The following SYNPR variants were observed in gnomAD, a reference collection of about 807,000 sequenced individuals.
The protein encoded by SYNPR is synaptoporin.
A neutral mutation model predicts 32.9 loss-of-function variants in SYNPR; 23 were observed. The ratio of observed to expected loss-of-function variants is 0.70; its 90% confidence interval spans 0.50 to 0.99. The LOEUF is 0.99. Ranked by LOEUF, SYNPR falls within the 50% of genes least tolerant of loss-of-function variation. SYNPR has a pLI of 0.00. For missense variants in SYNPR, 318 were observed against 349.3 expected, an observed-to-expected ratio of 0.91 and a Z score of 0.71; for synonymous variants, 146 against 135.9, an observed-to-expected ratio of 1.07 and a Z score of -0.52.
intron 2 of SYNPR, among the ~76,000 whole-genome samples, chr3:63,461,788 A>G (rs1189059933): frequency 6.6e-6 from 1 of 151,964 alleles, no homozygotes; most frequent in Non-Finnish European, 1.5e-5. Context: ...CCATGCTATG[A>G]ACCTCAGTTT....
intron 2 of SYNPR, chr3:63,445,510 A>T (rs1700260059): frequency 1.4e-6 from 1 of 691,698 alleles, no homozygotes; most frequent in Non-Finnish European, 2.6e-6. Flanking sequence ...AGGGATTTTT[A>T]AAATTTCATA....
chr3:63,319,327 C>T (rs2106965515), intron 2 of SYNPR, among the ~76,000 whole-genome samples: 1 of 152,048 alleles, frequency 6.6e-6, no homozygotes, highest in African/African-American at 2.4e-5. Flanking sequence ...GTTATTATAG[C>T]TTTGTATTAT....
the SYNPR span, among the ~76,000 whole-genome samples, chr3:63,202,873 C>A: frequency 6.6e-6 from 1 of 151,886 alleles, no homozygotes; most frequent in Non-Finnish European, 1.5e-5. Context: ...AAACAGACTT[C>A]TCAGAACTTG....
intron 4 of SYNPR, among the ~76,000 whole-genome samples, chr3:63,558,113 A>G (rs927752468): frequency 4.6e-5 from 7 of 152,146 alleles, no homozygotes; most frequent in African/African-American, 1.7e-4. Context: ...CCACATACCC[A>G]GTTCCTCTTT....
chr3:63,450,074 C>T (rs935863849), intron 2 of SYNPR, among the ~76,000 whole-genome samples: 2 of 152,054 alleles, frequency 1.3e-5, no homozygotes, highest in Non-Finnish European at 1.5e-5. Flanking sequence ...AAGGGCAGCA[C>T]AGCAGTAGTT....
At chr3:63,364,699 A>G (rs986979992) in intron 2 of SYNPR, among the ~76,000 whole-genome samples, 2 of 152,176 alleles carry the variant, frequency 1.3e-5, no homozygotes, top group African/African-American at 2.4e-5. Context: ...AACTACTTGT[A>G]TTATTAAGAC....
intron 2 of SYNPR, among the ~76,000 whole-genome samples, chr3:63,329,744 T>C (rs1301751110): frequency 1.3e-5 from 2 of 152,156 alleles, no homozygotes; most frequent in Admixed American, 1.3e-4. Context: ...ATGTCAAAAC[T>C]TTCTCAAGTA....
chr3:63,265,103 T>C lies in SYNPR; in HGVS notation n.155-2214T>C, dbSNP rs562716711. The stretch of plus-strand genomic sequence containing the variant: ...AAAAACAGTTTAAAATTCTGTAGCG[T>C]GCAGGCACATTACTGGCTTTTGATT... On this transcript the variant is annotated intron_variant and non_coding_transcript_variant, in intron 2 of 4. Coordinates refer to the SYNPR transcript ENST00000478456. 2.0e-5 allele frequency among the ~76,000 whole-genome samples: 3 copies of C among 152,258 alleles called. No homozygotes were observed. In the South Asian group the frequency reaches 6.2e-4, roughly 32 times the overall value.
intron 2 of SYNPR, among the ~76,000 whole-genome samples, chr3:63,399,137 A>G (rs1233944432): frequency 2.0e-5 from 3 of 152,176 alleles, no homozygotes; most frequent in African/African-American, 7.2e-5. Flanking sequence ...AATGAAGGAG[A>G]TGCAAAATGT....
chr3:63,375,737 T>C (rs1215285311), intron 2 of SYNPR, among the ~76,000 whole-genome samples: 1 of 151,654 alleles, frequency 6.6e-6, no homozygotes, highest in East Asian at 1.9e-4. Flanking sequence ...ATAATAATAA[T>C]TAGTATAGTG....
intron 2 of SYNPR, among the ~76,000 whole-genome samples, chr3:63,338,987 G>T (rs141993639): frequency 6.6e-6 from 1 of 152,204 alleles, no homozygotes; most frequent in African/African-American, 2.4e-5. Flanking sequence ...ATGCTTTTAG[G>T]TAAGGCAGAC....
At chr3:63,222,038 T>TTTTTTTTTTTTTTTTTTTTTTTTTTA in the SYNPR span, among the ~76,000 whole-genome samples, 1 of 132,048 alleles carries the variant, frequency 7.6e-6, no homozygotes, top group Non-Finnish European at 1.6e-5. Context: ...TTTTTTTTTG[T>TTTTTTTTTTTTTTTTTTTTTTTTTTA]GAAATGCTGA....
chr3:63,564,919 T>C lies in SYNPR; in HGVS notation c.408+8178T>C, dbSNP rs889264898. 3.3e-5 allele frequency among the ~76,000 whole-genome samples: 5 copies of C among 152,302 alleles called. No homozygotes were observed. In the East Asian group the frequency reaches 9.7e-4, roughly 29 times the overall value. ...TGCTTCTTCCAGAGCCCACAGCTTT[T>C]CTTGTCCTTTGCTGGAGTCTGTGCC... On this transcript the variant is annotated intron_variant, in intron 4 of 5. Coordinates refer to ENST00000478300, the MANE Select transcript of SYNPR (RefSeq NM_001130003.2).
At chr3:63,380,083 A>G (rs536076297) in intron 2 of SYNPR, among the ~76,000 whole-genome samples, 37 of 152,258 alleles carry the variant, frequency 2.4e-4, no homozygotes, top group African/African-American at 8.7e-4. Context: ...AATCCAGTCT[A>G]TCATTGATGG....
intron 2 of SYNPR, among the ~76,000 whole-genome samples, chr3:63,456,589 C>G (rs778881299): frequency 6.6e-6 from 1 of 152,060 alleles, no homozygotes; most frequent in East Asian, 1.9e-4. Flanking sequence ...AAGAAGGAAA[C>G]AGAAGACTTG....
chr3:63,403,532 C>G (rs113361280), intron 2 of SYNPR, among the ~76,000 whole-genome samples: 1 of 151,964 alleles, frequency 6.6e-6, no homozygotes, highest in East Asian at 1.9e-4. Flanking sequence ...AAAGTGGGTA[C>G]ATTTATTGGA....
chr3:63,404,527 T>G (rs1412723318), intron 2 of SYNPR, among the ~76,000 whole-genome samples: 1 of 152,192 alleles, frequency 6.6e-6, no homozygotes, highest in East Asian at 1.9e-4. Flanking sequence ...AGCTGTATCT[T>G]TCTGATTTTC....
chr3:63,598,585 T>C (rs1174106702), intron 4 of SYNPR, among the ~76,000 whole-genome samples: 2 of 152,194 alleles, frequency 1.3e-5, no homozygotes, highest in African/African-American at 2.4e-5. Context: ...TTATGAACCA[T>C]GTTATGAACT....
At chr3:63,589,743 A>G (rs1418092634) in intron 4 of SYNPR, among the ~76,000 whole-genome samples, 1 of 139,330 alleles carries the variant, frequency 7.2e-6, no homozygotes, top group Non-Finnish European at 1.5e-5. Flanking sequence ...AGCCTTTGAC[A>G]AAATTCAACA....
Sources: gnomAD v4.1 joint callset for allele counts (sites outside exome capture counted in the v4.1 genomes callset) on GRCh38, gnomAD v4.1.1 for gene constraint, MANE v1.5 for transcripts, NCBI Gene and HGNC (gene_info 2026-07-23, HGNC 2026-07-21) for gene names.